The following NOS1 variants were observed in gnomAD, a reference collection of about 807,000 sequenced individuals.
NOS1 encodes NOS type I.
NOS1 carries 51 observed loss-of-function variants against 164.5 expected under a neutral mutation model. The ratio of observed to expected loss-of-function variants is 0.31; its 90% CI spans 0.25 to 0.39. The LOEUF (loss-of-function observed/expected upper bound fraction) is 0.39, where lower values mean the gene tolerates loss of function less well. NOS1 is among the 10% of genes least tolerant of loss of function. The probability of loss-of-function intolerance (pLI) is 1.00; values close to 1 mark genes in which losing one functional copy is unlikely to be tolerated. For synonymous variants in NOS1, 719 were observed against 745.8 expected (o/e 0.96, Z 0.59); for missense variants, 1,362 against 1,885.6 (o/e 0.72, Z 5.14).
At chr12:117,360,606 G>T (rs1040091493) in intron 1 of NOS1, among the ~76,000 whole-genome samples, 1 of 152,184 alleles carries the variant, frequency 6.6e-6, no homozygotes, top group Non-Finnish European at 1.5e-5. Context: ...GCGCAAGGAG[G>T]CTCCTCGCAA....
intron 11 of NOS1, among the ~76,000 whole-genome samples, chr12:117,266,540 TTTTC>T (rs1405496047): frequency 6.6e-6 from 1 of 151,632 alleles, no homozygotes; most frequent in East Asian, 1.9e-4. Flanking sequence ...TTTTTTTTTC[TTTTC>T]TTTTTTTTTT....
At chr12:117,335,216 T>C (rs1206261357) in intron 1 of NOS1, among the ~76,000 whole-genome samples, 2 of 152,136 alleles carry the variant, frequency 1.3e-5, no homozygotes, top group African/African-American at 4.8e-5. Flanking sequence ...CCAAAGGTAC[T>C]TCAGGCGCCA....
intron 2 of NOS1, among the ~76,000 whole-genome samples, chr12:117,324,739 A>ATAAATAAATAAATAAG (rs60464578): frequency 6.6e-6 from 1 of 151,988 alleles, no homozygotes; most frequent in African/African-American, 2.4e-5. Context: ...AAATAAATAA[A>ATAAATAAATAAATAAG]GTGACTGCTC....
chr12:117,285,761 CAG>C (rs1385994668), intron 6 of NOS1, among the ~76,000 whole-genome samples: 1 of 152,132 alleles, frequency 6.6e-6, no homozygotes, highest in Non-Finnish European at 1.5e-5. Context: ...CCAAGGGACA[CAG>C]AAACTAATGC....
At chr12:117,312,943 T>G (rs765009068) in intron 2 of NOS1, among the ~76,000 whole-genome samples, 6 of 152,108 alleles carry the variant, frequency 3.9e-5, no homozygotes, top group Non-Finnish European at 8.8e-5. Flanking sequence ...ACCATCATTC[T>G]CATTGTTACC....
intron 10 of NOS1, among the ~76,000 whole-genome samples, chr12:117,269,233 G>T (rs557949389): frequency 3.9e-5 from 6 of 152,132 alleles, no homozygotes; most frequent in Non-Finnish European, 8.8e-5. Context: ...GATCTGGGGA[G>T]AGAGTGCTCT....
intron 11 of NOS1, among the ~76,000 whole-genome samples, chr12:117,267,824 C>A (rs1354399764): frequency 2.6e-5 from 4 of 152,088 alleles, no homozygotes; most frequent in Admixed American, 2.6e-4. Flanking sequence ...ACTCCTCTAC[C>A]CCTGCCACCA....
intron 20 of NOS1, among the ~76,000 whole-genome samples, chr12:117,235,107 G>A (rs1869594114): frequency 6.6e-6 from 1 of 151,904 alleles, no homozygotes; most frequent in Admixed American, 6.6e-5. Flanking sequence ...TTGTACAGAT[G>A]GAATTTCCCT....
At position 117,330,305 on chromosome 12, in the gene NOS1, C is replaced by CACACAT. The variant is rs1163357360; in HGVS notation, c.725+39_725+40insATGTGT. On this transcript the variant is annotated intron_variant, in intron 2 of 28. Transcript: ENST00000317775. This position sits in a 1 kb window ranked among gnomAD's most constrained non-coding sequence, Gnocchi z 4.6. The stretch of plus-strand genomic sequence containing the variant: ...ACATGCACACACACAAGCATGCACA[C>CACACAT]ACACACACACACACACACACACACC... The CACACAT allele has an allele frequency of 1.3e-6, 2 of 1,527,642 alleles. No individual in the cohort carries two copies. Among genetic ancestry groups the CACACAT allele is most frequent in the African/African-American group, 2.8e-5 (2 of 72,026 alleles). 94.6% of individuals were successfully genotyped at this position (1,527,642 alleles called of 1,614,324 possible). A position where few individuals can be genotyped will look rare whatever the true frequency, so the allele number is the denominator to read the frequency against.
intron 18 of NOS1, among the ~76,000 whole-genome samples, chr12:117,246,551 C>G (rs1870631764): frequency 6.6e-6 from 1 of 152,168 alleles, no homozygotes; most frequent in Non-Finnish European, 1.5e-5. Flanking sequence ...TTATGCAACC[C>G]TTCCCATTAC....
At chr12:117,222,662 C>G (rs816363) in intron 26 of NOS1, 53 bp downstream of exon 26, 673,667 of 1,553,988 alleles carry the variant, frequency 0.43, 150,515 homozygotes, top group Admixed American at 0.65. Flanking sequence ...AGTAGGATGT[C>G]CAAGTGTGCA....
intron 3 of NOS1, 84 bp from the exon 4 acceptor site, chr12:117,290,510 T>C: frequency 6.7e-7 from 1 of 1,487,066 alleles, no homozygotes; most frequent in Non-Finnish European, 9.0e-7. Flanking sequence ...GGAGAGCCAT[T>C]GTTCTTCCTG....
chr12:117,267,407 T>C (rs964213015), intron 11 of NOS1, among the ~76,000 whole-genome samples: 2 of 152,116 alleles, frequency 1.3e-5, no homozygotes, highest in Non-Finnish European at 2.9e-5. Context: ...GCCAACATGG[T>C]GAAACCCCAC....
At chr12:117,311,965 C>T (rs1381215773) in intron 2 of NOS1, among the ~76,000 whole-genome samples, 1 of 152,096 alleles carries the variant, frequency 6.6e-6, no homozygotes, top group Non-Finnish European at 1.5e-5. Context: ...GTACCATGAA[C>T]CCCTGGACAA....
At chr12:117,324,658 G>A (rs1207284776) in intron 2 of NOS1, among the ~76,000 whole-genome samples, 1 of 152,120 alleles carries the variant, frequency 6.6e-6, no homozygotes, top group East Asian at 1.9e-4. Flanking sequence ...AGAGATGGCA[G>A]TGAGCCATCA....
chr12:117,231,953 G>A lies in NOS1; in HGVS notation c.3405+9C>T. On this transcript the variant is annotated intron_variant, in intron 22 of 28. Coordinates refer to ENST00000317775, the MANE Select transcript of NOS1 (RefSeq NM_000620.5). ...GCCCCCTAGGGTTGTGCGAAGCCTG[G>A]GGACCCACCTTGCTGAGGACCAGCA... 1 of 1,609,854 alleles carries A rather than the reference G, an allele frequency of 6.2e-7. No homozygotes were observed. Among genetic ancestry groups the A allele is most frequent in the Non-Finnish European group, 8.5e-7 (1 of 1,178,408 alleles).
chr12:117,232,265 T>C, intron 21 of NOS1, 134 bp from the exon 22 acceptor site: 2 of 690,582 alleles, frequency 2.9e-6, no homozygotes, highest in Non-Finnish European at 4.8e-6. Flanking sequence ...ACCTTCTAGC[T>C]CTCCACCTTC....
chr12:117,337,104 C>CTATTTTTTTTTTTTTTTTTTTTT lies in NOS1; in HGVS notation c.-420-5616_-420-5615insAAAAAAAAAAAAAAAAAAAAATA. 8.5e-5 allele frequency among the ~76,000 whole-genome samples: 8 copies of CTATTTTTTTTTTTTTTTTTTTTT among 94,074 alleles called. 2 individuals are homozygous for CTATTTTTTTTTTTTTTTTTTTTT. Among genetic ancestry groups the CTATTTTTTTTTTTTTTTTTTTTT allele is most frequent in the Admixed American group, 1.3e-4 (1 of 7,624 alleles). The allele number at this position is 94,074 out of a possible 152,430, so 61.7% of individuals were successfully genotyped here. On this transcript the variant is annotated intron_variant, in intron 1 of 28. Coordinates refer to ENST00000317775, the MANE Select transcript of NOS1 (RefSeq NM_000620.5). Reference sequence around the variant, plus strand: ...AGCCACTGTACCCAGCTGCTTTTTACTCTTTTTTTTTTTTTTTTTTTTTTT... The same window carrying CTATTTTTTTTTTTTTTTTTTTTT: ...AGCCACTGTACCCAGCTGCTTTTTACTATTTTTTTTTTTTTTTTTTTTTTCTTTTTTTTTTTTTTTTTTTTTTT...
rs369890445 is a variant in NOS1, at chr12:117,258,377, C to A, written c.2531+20G>T. The A allele has an allele frequency of 1.2e-6, 2 of 1,613,576 alleles. No individual in the cohort carries two copies. Among genetic ancestry groups the A allele is most frequent in the Admixed American group, 3.3e-5 (2 of 59,962 alleles). On this transcript the variant is annotated intron_variant, in intron 16 of 28. Transcript: ENST00000317775. Reference sequence around the variant, plus strand: ...TACCCTCGGGGGTGGCGGGTGACGTCGGAGGGGTCATTCACTTACTTCCTT... The same window carrying A: ...TACCCTCGGGGGTGGCGGGTGACGTAGGAGGGGTCATTCACTTACTTCCTT...
Sources: allele counts gnomAD v4.1 joint callset (sites outside exome capture counted in the v4.1 genomes callset), GRCh38; gene constraint gnomAD v4.1.1; non-coding constraint Gnocchi (gnomAD v3.1); transcripts MANE v1.5; gene names NCBI Gene and HGNC (gene_info 2026-07-23, HGNC 2026-07-21).